GHR: variants seen among roughly 807,000 people sequenced by gnomAD.
GHR encodes the protein GH receptor.
GHR carries 35 observed loss-of-function variants against 67.1 expected under a neutral mutation model. That is an observed-to-expected ratio of 0.52 (90% confidence interval 0.40 to 0.69). The LOEUF is 0.69. Ranked by LOEUF, GHR falls within the 30% of genes least tolerant of loss-of-function variation. GHR has a pLI of 0.00. For synonymous variants in GHR, 272 were observed against 269.1 expected, an observed-to-expected ratio of 1.01 and a Z score of -0.10; for missense variants, 792 against 764.6, an observed-to-expected ratio of 1.04 and a Z score of -0.42.
chr5:42,479,002 T>G (rs1049725533), intron 1 of GHR, among the ~76,000 whole-genome samples: 1 of 152,228 alleles, frequency 6.6e-6, no homozygotes, highest in African/African-American at 2.4e-5. Flanking sequence ...GCCCATTCAG[T>G]ATGATATTGG....
chr5:42,622,915 C>T (rs1014339771), intron 2 of GHR, among the ~76,000 whole-genome samples: 1 of 152,114 alleles, frequency 6.6e-6, no homozygotes, highest in African/African-American at 2.4e-5. Flanking sequence ...CTACATGCAG[C>T]CTGCACCAGG....
At chr5:42,466,535 C>T (rs1053216924) in intron 1 of GHR, among the ~76,000 whole-genome samples, 3 of 152,170 alleles carry the variant, frequency 2.0e-5, no homozygotes, top group South Asian at 4.1e-4. Flanking sequence ...GCCTATTGCT[C>T]AAGCAATCAT....
chr5:42,640,259 G>A (rs1318630606), intron 3 of GHR, among the ~76,000 whole-genome samples: 1 of 152,124 alleles, frequency 6.6e-6, no homozygotes, highest in Non-Finnish European at 1.5e-5. Context: ...TGGGAACCAT[G>A]AGTTGTCTCT....
At chr5:42,474,969 C>T (rs1332995043) in intron 1 of GHR, among the ~76,000 whole-genome samples, 4 of 148,942 alleles carry the variant, frequency 2.7e-5, no homozygotes, top group African/African-American at 7.4e-5. Flanking sequence ...TTGCAACTTC[C>T]GCCTCCTGGG....
intron 1 of GHR, chr5:42,514,334 A>C (rs1747149151): frequency 1.2e-6 from 1 of 824,200 alleles, no homozygotes; most frequent in Non-Finnish European, 1.4e-6. Context: ...CCCCTTGTTG[A>C]GATCTCCAGC....
intron 1 of GHR, among the ~76,000 whole-genome samples, chr5:42,445,805 G>A (rs1342422278): frequency 6.6e-6 from 1 of 152,102 alleles, no homozygotes; most frequent in African/African-American, 2.4e-5. Flanking sequence ...AAATTTTTTT[G>A]TTGGGTTTTT....
chr5:42,477,335 T>C (rs1745382777), intron 1 of GHR, among the ~76,000 whole-genome samples: 1 of 152,166 alleles, frequency 6.6e-6, no homozygotes, highest in East Asian at 1.9e-4. Flanking sequence ...AGTGCCACAA[T>C]AAACATACGT....
chr5:42,436,131 T>C (rs1268801509), intron 1 of GHR, among the ~76,000 whole-genome samples: 1 of 152,240 alleles, frequency 6.6e-6, no homozygotes, highest in Non-Finnish European at 1.5e-5. Context: ...GCATTGTGTG[T>C]GCATATCACA....
At chr5:42,505,122 G>GTTTTTT (rs35690685) in intron 1 of GHR, among the ~76,000 whole-genome samples, 3 of 134,908 alleles carry the variant, frequency 2.2e-5, no homozygotes, top group Non-Finnish European at 3.2e-5. Flanking sequence ...GCTGTTGACT[G>GTTTTTT]TTTTTTTTTT....
chr5:42,718,127 TA>T lies in GHR; in HGVS notation c.945+8del. 1 of 1,384,636 alleles carries T rather than the reference TA, an allele frequency of 7.2e-7. No homozygotes were observed. 85.8% of individuals were successfully genotyped at this position (1,384,636 alleles called of 1,614,324 possible). On this transcript the variant is annotated splice_region_variant and intron_variant, in intron 9 of 9. Transcript: ENST00000230882. ...TCGATCCAGATCTCCTCAAGGTAAC[TA>T]ATAATTTTATCTAAATTGTAGCTAG...
At chr5:42,468,537 G>T in intron 1 of GHR, 1 of 819,182 alleles carries the variant, frequency 1.2e-6, no homozygotes, top group South Asian at 1.8e-5. Context: ...ACTGGCACGA[G>T]AACAATGACC....
intron 3 of GHR, among the ~76,000 whole-genome samples, chr5:42,680,602 C>A (rs542637751): frequency 1.3e-5 from 2 of 152,064 alleles, no homozygotes; most frequent in South Asian, 4.2e-4. Context: ...CTCCCAGGTT[C>A]AAGTGATTCT....
chr5:42,443,452 C>A (rs1488334641), intron 1 of GHR, among the ~76,000 whole-genome samples: 1 of 152,084 alleles, frequency 6.6e-6, no homozygotes, highest in African/African-American at 2.4e-5. Flanking sequence ...AGCTTGACAT[C>A]CCCTCTGTTG....
At chr5:42,623,757 C>A (rs1753569856) in intron 2 of GHR, among the ~76,000 whole-genome samples, 1 of 152,272 alleles carries the variant, frequency 6.6e-6, no homozygotes, top group South Asian at 2.1e-4. Context: ...TATTTTATAA[C>A]CCAGCATTTA....
rs34466913 is a variant in GHR at position 42,551,280 on chromosome 5, G to C, written c.-11-14584G>C. 5.9e-5 allele frequency among the ~76,000 whole-genome samples: 9 copies of C among 152,014 alleles called. No homozygotes were observed. In the East Asian group the frequency reaches 1.7e-3, roughly 29 times the overall value. Reference sequence around the variant, plus strand: ...TCTTGTGACTTGGATATTGTGGAATGTTTTATAGTAAAGGTTAAAAAAAAA... The same window carrying C: ...TCTTGTGACTTGGATATTGTGGAATCTTTTATAGTAAAGGTTAAAAAAAAA... On this transcript the variant is annotated intron_variant, in intron 1 of 9. Coordinates refer to ENST00000230882, the MANE Select transcript of GHR (RefSeq NM_000163.5).
intron 2 of GHR, among the ~76,000 whole-genome samples, chr5:42,610,597 G>A (rs1273002140): frequency 6.6e-6 from 1 of 151,882 alleles, no homozygotes; most frequent in Non-Finnish European, 1.5e-5. Flanking sequence ...ATGCCTATGA[G>A]GGAAAATGGA....
At chr5:42,428,415 G>A (rs1272647978) in intron 1 of GHR, among the ~76,000 whole-genome samples, 3 of 152,158 alleles carry the variant, frequency 2.0e-5, no homozygotes, top group African/African-American at 7.2e-5. Flanking sequence ...GATGTGAGGG[G>A]CTGCCATAAA....
At chr5:42,562,973 A>C (rs372834770) in intron 1 of GHR, among the ~76,000 whole-genome samples, 11 of 152,254 alleles carry the variant, frequency 7.2e-5, no homozygotes, top group East Asian at 3.9e-4. Flanking sequence ...GAAGAAGTGA[A>C]GTTCATTTGC....
intron 1 of GHR, among the ~76,000 whole-genome samples, chr5:42,506,129 A>T (rs921497038): frequency 6.6e-6 from 1 of 152,180 alleles, no homozygotes; most frequent in African/African-American, 2.4e-5. Context: ...CATGCTGCAT[A>T]CTCAGTGAGA....
Sources: allele counts gnomAD v4.1 joint callset (sites outside exome capture counted in the v4.1 genomes callset), GRCh38; gene constraint gnomAD v4.1.1; transcripts MANE v1.5; gene names NCBI Gene and HGNC (gene_info 2026-07-23, HGNC 2026-07-21).